Variants in PIWIL3 observed in about 807,000 individuals in gnomAD.
PIWIL3 encodes the protein piwi like RNA-mediated gene silencing 3.
In PIWIL3, 101 loss-of-function variants were observed where a neutral mutation model predicts 109.7. The ratio of observed to expected loss-of-function variants is 0.92; its 90% CI spans 0.78 to 1.09. The LOEUF is 1.09. PIWIL3 is among the 50% of genes least tolerant of loss of function. PIWIL3 has a pLI of 0.00. For missense variants in PIWIL3, 1,031 were observed against 1,072.6 expected (o/e 0.96, Z 0.54); for synonymous variants, 373 against 376.4 (o/e 0.99, Z 0.10).
At chr22:24,723,784 C>T (rs1483294370) in intron 18 of PIWIL3, among the ~76,000 whole-genome samples, 1 of 152,204 alleles carries the variant, frequency 6.6e-6, no homozygotes, top group Non-Finnish European at 1.5e-5. Context: ...AAGTGATTCT[C>T]ATGGCTCAGC....
chr22:24,748,870 ACC>A (rs1233120458), intron 12 of PIWIL3, 35 bp downstream of exon 12: 1 of 1,517,194 alleles, frequency 6.6e-7, no homozygotes, highest in East Asian at 2.3e-5. Context: ...TCTTCATTTG[ACC>A]CCACCATGAC....
At position 24,754,151 on chromosome 22, in the gene PIWIL3, G is replaced by C; in HGVS notation, c.840C>G (p.Leu280=). The change falls in exon 8 of 21, where the codon CTC becomes CTG. Residue 280 remains leucine, a synonymous_variant. Coordinates refer to ENST00000616349, the MANE Select transcript of PIWIL3 (RefSeq NM_001255975.1). The part of the protein sequence containing the change: ...SVLQYENSIT[L]CADVSHKLLR... ...GCAGTTTGTGGCTCACATCGGCACAGAGGGTAATGCTGTTTTCGTATTGAA... is the reference window on the plus strand; with the variant it reads ...GCAGTTTGTGGCTCACATCGGCACACAGGGTAATGCTGTTTTCGTATTGAA... The C allele has an allele frequency of 6.2e-7, 1 of 1,614,112 alleles. No homozygotes were observed. The highest frequency in any genetic ancestry group is 1.1e-5 in the South Asian group (1 of 91,080).
At chr22:24,755,172 G>A (rs185253312) in intron 6 of PIWIL3, among the ~76,000 whole-genome samples, 133 of 152,278 alleles carry the variant, frequency 8.7e-4, no homozygotes, top group African/African-American at 3.0e-3. Flanking sequence ...GCCCAGGCTG[G>A]AGTGTGGTGG....
rs1006997128 is a variant in PIWIL3, at chr22:24,726,572, G to A, written c.2010-1057C>T. Among the ~76,000 whole-genome samples the A allele has an allele frequency of 5.3e-5, 8 of 152,144 alleles. No homozygotes were observed. In the East Asian group the frequency reaches 5.8e-4, roughly 11 times the overall value. ...AGTGCTGGGATTACAGGCGTGAGCC[G>A]CCGCACCCGGCGGTATTGGCTATTT... is the stretch of plus-strand genomic sequence containing the variant. On this transcript the variant is annotated intron_variant, in intron 16 of 20. Transcript: ENST00000616349.
chr22:24,724,755 A>C, intron 18 of PIWIL3, 132 bp downstream of exon 18: 4 of 1,019,260 alleles, frequency 3.9e-6, no homozygotes, highest in Non-Finnish European at 5.5e-6. Context: ...CATTTTTTGT[A>C]GAGATTGGAT....
chr22:24,734,498 C>T (rs972904627), intron 13 of PIWIL3, among the ~76,000 whole-genome samples: 1 of 152,168 alleles, frequency 6.6e-6, no homozygotes, highest in Non-Finnish European at 1.5e-5. Context: ...TCCTGGCTAG[C>T]TGGAGCAAAG....
In PIWIL3 at chr22:24,749,699, T is replaced by G. The variant is rs779637011; in HGVS notation, c.1210A>C (p.Met404Leu). The G allele has an allele frequency of 6.2e-7, 1 of 1,614,178 alleles. No homozygotes were observed. Among genetic ancestry groups the G allele is most frequent in the Non-Finnish European group, 8.5e-7 (1 of 1,180,018 alleles). Residue 404 changes from methionine (M) to leucine (L), a missense_variant, in exon 10 of 21, where the codon ATG becomes CTG. Transcript: ENST00000616349. ...PILLIPQLCH[M>L]TGLTDEICKD... ...GGCTGTAATCCATCAGTACCTGTCA[T>G]GTGGCACAGCTGAGGAATCAGCAGG...
intron 14 of PIWIL3, 142 bp from the exon 15 acceptor site, chr22:24,728,516 C>T (rs931128219): frequency 4.6e-5 from 39 of 853,252 alleles, no homozygotes; most frequent in Non-Finnish European, 6.5e-5. Flanking sequence ...CCCAAGAGGG[C>T]GAAGGGTCTA....
intron 12 of PIWIL3, among the ~76,000 whole-genome samples, chr22:24,743,805 T>A (rs956651326): frequency 2.6e-5 from 4 of 152,026 alleles, no homozygotes; most frequent in Non-Finnish European, 4.4e-5. Flanking sequence ...CAAAAACCTA[T>A]TGAAATAAAA....
chr22:24,754,254 T>C (rs1432074509), intron 7 of PIWIL3, 37 bp from the exon 8 acceptor site: 8 of 1,563,518 alleles, frequency 5.1e-6, no homozygotes, highest in Non-Finnish European at 7.0e-6. Context: ...GTCCGATCTC[T>C]TCACATAAAG....
At chr22:24,743,484 A>T (rs1333381795) in intron 12 of PIWIL3, among the ~76,000 whole-genome samples, 1 of 152,236 alleles carries the variant, frequency 6.6e-6, no homozygotes, top group Non-Finnish European at 1.5e-5. Context: ...GTGTATATTC[A>T]TACCATGGAA....
chr22:24,745,801 T>TA (rs1351354698), intron 12 of PIWIL3, among the ~76,000 whole-genome samples: 1 of 146,362 alleles, frequency 6.8e-6, no homozygotes, highest in Admixed American at 6.8e-5. Context: ...TGCAGAAATG[T>TA]AAAGGTTCAT....
intron 12 of PIWIL3, among the ~76,000 whole-genome samples, chr22:24,747,885 A>C (rs1924466472): frequency 6.6e-6 from 1 of 152,164 alleles, no homozygotes; most frequent in South Asian, 2.1e-4. Context: ...GTTCCTCAAA[A>C]CACTAAAAAT....
intron 12 of PIWIL3, among the ~76,000 whole-genome samples, chr22:24,744,975 T>C (rs1158545243): frequency 1.3e-5 from 2 of 152,212 alleles, no homozygotes; most frequent in African/African-American, 4.8e-5. Flanking sequence ...ATAGACCATA[T>C]ATTAGGTTAC....
intron 12 of PIWIL3, among the ~76,000 whole-genome samples, chr22:24,739,068 A>G (rs1294331104): frequency 6.6e-6 from 1 of 152,130 alleles, no homozygotes; most frequent in Non-Finnish European, 1.5e-5. Context: ...TAAAACATGC[A>G]ATTGACATAT....
chr22:24,753,421 CT>C (rs139435703), intron 8 of PIWIL3, among the ~76,000 whole-genome samples: 1 of 152,322 alleles, frequency 6.6e-6, no homozygotes, highest in East Asian at 1.9e-4. Flanking sequence ...CCTTGACACA[CT>C]TGTCAGAAGT....
At chr22:24,766,171 G>A (rs1418277230) in intron 1 of PIWIL3, among the ~76,000 whole-genome samples, 1 of 152,050 alleles carries the variant, frequency 6.6e-6, no homozygotes, top group Non-Finnish European at 1.5e-5. Flanking sequence ...ATTTTTTGTG[G>A]AGACGGGGTT....
intron 2 of PIWIL3, 128 bp from the exon 3 acceptor site, chr22:24,760,117 TA>T: frequency 7.9e-7 from 1 of 1,259,552 alleles, no homozygotes; most frequent in Admixed American, 2.1e-5. Context: ...TGACATAAAC[TA>T]AGTTGTAATA....
rs1405953470 is a variant in PIWIL3 at position 24,751,510 on chromosome 22, T to C, written c.978-12A>G. 1.9e-6 allele frequency: 3 copies of C among 1,605,994 alleles called. No individual in the cohort carries two copies. Among genetic ancestry groups the C allele is most frequent in the East Asian group, 2.2e-5 (1 of 44,796 alleles). On this transcript the variant is annotated splice_polypyrimidine_tract_variant and intron_variant, in intron 8 of 20. Coordinates refer to ENST00000616349, the MANE Select transcript of PIWIL3 (RefSeq NM_001255975.1). ...TTTTGTTGTTGTATCTGTGGAATAA[T>C]TACAATATGGTATTATTTGACTTAT...
Sources: gnomAD v4.1 joint callset for allele counts (sites outside exome capture counted in the v4.1 genomes callset) on GRCh38, gnomAD v4.1.1 for gene constraint, MANE v1.5 for transcripts, NCBI Gene and HGNC (gene_info 2026-07-23, HGNC 2026-07-21) for gene names.